Variants in SF3A1 observed in about 807,000 individuals in gnomAD.
SF3A1 encodes the protein SAP 114.
Under a neutral mutation model 89.9 loss-of-function variants are expected in SF3A1, and 13 were observed. The ratio of observed to expected loss-of-function variants is 0.14; its 90% confidence interval spans 0.09 to 0.23. SF3A1 has a LOEUF of 0.23. Among genes scored for constraint, SF3A1 ranks in the 10% least tolerant of loss-of-function variants. The pLI is 1.00. For synonymous variants in SF3A1, 405 were observed against 374.4 expected (o/e 1.08, Z -0.94); for missense variants, 604 against 1,022.1 (o/e 0.59, Z 5.58).
At position 30,337,593 on chromosome 22, in the gene SF3A1, G is replaced by C. The variant is rs897660600; in HGVS notation, c.1951+97C>G. Reference sequence around the variant, plus strand: ...CTCCTCTGGGCTGGATACCCTGCTGGAACAGCTGGCACTAGCATCAGCCAC... The same window carrying C: ...CTCCTCTGGGCTGGATACCCTGCTGCAACAGCTGGCACTAGCATCAGCCAC... On this transcript the variant is annotated intron_variant, in intron 12 of 15. Coordinates refer to ENST00000215793, the MANE Select transcript of SF3A1 (RefSeq NM_005877.6). 6.7e-6 allele frequency: 5 copies of C among 741,516 alleles called. No individual in the cohort carries two copies. The East Asian group carries it at 1.1e-4, about 16-fold the overall frequency. The allele number at this position is 741,516 out of a possible 1,614,324, so 45.9% of individuals were successfully genotyped here.
In SF3A1 at chr22:30,342,790, T is replaced by A. The variant is rs765743942; in HGVS notation, c.726+15A>T. On this transcript the variant is annotated intron_variant, in intron 5 of 15. Coordinates refer to ENST00000215793, the MANE Select transcript of SF3A1 (RefSeq NM_005877.6). The stretch of plus-strand genomic sequence containing the variant: ...ACCACCAGTAACTGGTTGCAAGAAA[T>A]GCTATTCAGTTTACCTGATCCAAAA... 1 of 1,549,130 alleles carries A rather than the reference T, an allele frequency of 6.5e-7. No homozygotes were observed. The highest frequency in any genetic ancestry group is 1.7e-5 in the Admixed American group (1 of 59,612).
intron 1 of SF3A1, among the ~76,000 whole-genome samples, chr22:30,353,453 G>T (rs1258979942): frequency 1.3e-5 from 2 of 152,232 alleles, no homozygotes; most frequent in Non-Finnish European, 2.9e-5. Flanking sequence ...GAAAGAAACA[G>T]AAGTAAGATA....
chr22:30,341,474 A>G (rs1931251830), intron 7 of SF3A1, among the ~76,000 whole-genome samples: 1 of 152,242 alleles, frequency 6.6e-6, no homozygotes, highest in South Asian at 2.1e-4. Flanking sequence ...AGAACAGGTC[A>G]GCACAGCTTT....
chr22:30,338,671 A>G (rs777745641), intron 11 of SF3A1, 118 bp downstream of exon 11: 204 of 1,309,976 alleles, frequency 1.6e-4, no homozygotes, highest in Non-Finnish European at 2.1e-4. Flanking sequence ...TTCTCTTTCA[A>G]ACTGACCCAC....
At chr22:30,341,576 G>C (rs1931255155) in intron 7 of SF3A1, 116 bp downstream of exon 7, 1 of 555,142 alleles carries the variant, frequency 1.8e-6, no homozygotes, top group African/African-American at 2.3e-5. Flanking sequence ...CCTTGTTCAG[G>C]ACCCACGCCT....
intron 2 of SF3A1, among the ~76,000 whole-genome samples, chr22:30,349,052 AC>A (rs1457823098): frequency 6.6e-6 from 1 of 152,186 alleles, no homozygotes; most frequent in Non-Finnish European, 1.5e-5. Flanking sequence ...AGCTGGTGGG[AC>A]TTTTTAAGGG....
chr22:30,348,704 A>G (rs1931494667), intron 2 of SF3A1, among the ~76,000 whole-genome samples: 1 of 152,158 alleles, frequency 6.6e-6, no homozygotes. Context: ...CTTTGGAAAA[A>G]AAATTCTCCC....
intron 15 of SF3A1, 120 bp from the exon 16 acceptor site, chr22:30,334,815 G>A (rs893525062): frequency 4.5e-6 from 3 of 661,618 alleles, no homozygotes; most frequent in Non-Finnish European, 7.7e-6. Context: ...AGGAGCTTGT[G>A]AGAAGGTAGG....
At chr22:30,352,444 C>T (rs2056623827) in intron 2 of SF3A1, 3 of 153,652 alleles carry the variant, frequency 2.0e-5, no homozygotes, top group Admixed American at 1.3e-4. Flanking sequence ...AGGAGGAACT[C>T]GGAGCAATGC....
chr22:30,346,558 C>T, intron 2 of SF3A1, 39 bp from the exon 3 acceptor site: 1 of 1,606,382 alleles, frequency 6.2e-7, no homozygotes, highest in Non-Finnish European at 8.5e-7. Flanking sequence ...ACACCACTCC[C>T]TTGTGCCTGC....
At chr22:30,342,602 G>A in intron 5 of SF3A1, 1 of 622,108 alleles carries the variant, frequency 1.6e-6, no homozygotes, top group Non-Finnish European at 2.8e-6. Flanking sequence ...GAGATATATT[G>A]AGGCTGAGAG....
chr22:30,347,430 CT>C (rs1292715190), intron 2 of SF3A1, among the ~76,000 whole-genome samples: 4 of 152,192 alleles, frequency 2.6e-5, no homozygotes, highest in African/African-American at 4.8e-5. Flanking sequence ...ACTCGTACAG[CT>C]GTATAAGGCA....
Position 30,334,583 on chromosome 22 carries a change from G to A in SF3A1, c.*11C>T. 1 of 1,537,842 alleles carries A rather than the reference G, an allele frequency of 6.5e-7. No homozygotes were observed. Among genetic ancestry groups the A allele is most frequent in the Middle Eastern group, 1.8e-4 (1 of 5,656 alleles). ...CAAAATGGCAGGGACTTGACAGCAGGTTCCTCTTGTCTACTTCTTCCTCCC... is the reference window on the plus strand; with the variant it reads ...CAAAATGGCAGGGACTTGACAGCAGATTCCTCTTGTCTACTTCTTCCTCCC... On this transcript the variant is annotated 3_prime_UTR_variant, in exon 16 of 16. Transcript: ENST00000215793.
intron 7 of SF3A1, 84 bp downstream of exon 7, chr22:30,341,608 G>A: frequency 1.0e-6 from 1 of 990,832 alleles, no homozygotes; most frequent in South Asian, 1.5e-5. Context: ...TCACAGGGGA[G>A]CTGGATCTGA....
chr22:30,337,956 C>A, intron 11 of SF3A1, 59 bp from the exon 12 acceptor site: 1 of 1,253,778 alleles, frequency 8.0e-7, no homozygotes, highest in Non-Finnish European at 1.2e-6. Flanking sequence ...CAAGGTCACA[C>A]ACAGTTGGCA....
intron 4 of SF3A1, among the ~76,000 whole-genome samples, chr22:30,343,289 C>T (rs1931320825): frequency 6.6e-6 from 1 of 152,034 alleles, no homozygotes; most frequent in South Asian, 2.1e-4. Flanking sequence ...CCACCTCCCT[C>T]TATTTCTGCT....
intron 9 of SF3A1, among the ~76,000 whole-genome samples, chr22:30,339,808 G>A (rs1044453829): frequency 2.0e-5 from 3 of 152,202 alleles, no homozygotes; most frequent in Non-Finnish European, 4.4e-5. Context: ...GGGCAACTGT[G>A]TGGAAAGGGC....
At chr22:30,336,537 T>G (rs1931072640) in intron 13 of SF3A1, among the ~76,000 whole-genome samples, 1 of 152,172 alleles carries the variant, frequency 6.6e-6, no homozygotes, top group Admixed American at 6.5e-5. Context: ...GTCTCCTTAC[T>G]GCAGCCTGAC....
In SF3A1 at chr22:30,338,757, A is replaced by G. The variant is rs557999302; in HGVS notation, c.1743+32T>C. 13 of 1,612,986 alleles carry G rather than the reference A, an allele frequency of 8.1e-6. No individual in the cohort carries two copies. The South Asian group carries it at 1.3e-4, about 16-fold the overall frequency. ...TCCGACCTCAAGAATGAAGCTCTAA[A>G]AAAGTCAGTTCCAGGGTAGATGCTG... On this transcript the variant is annotated intron_variant, in intron 11 of 15. Transcript: ENST00000215793.
Sources: allele counts gnomAD v4.1 joint callset (sites outside exome capture counted in the v4.1 genomes callset), GRCh38; gene constraint gnomAD v4.1.1; transcripts MANE v1.5; gene names NCBI Gene and HGNC (gene_info 2026-07-23, HGNC 2026-07-21).